Variants in SGCZ observed in about 807,000 individuals in gnomAD.
The protein encoded by SGCZ is zeta-sarcoglycan.
In SGCZ, 40 loss-of-function variants were observed where a neutral mutation model predicts 41.3. The ratio of observed to expected loss-of-function variants is 0.97; its 90% CI spans 0.75 to 1.26. SGCZ has a LOEUF of 1.26. SGCZ is among the 50% of genes most tolerant of loss of function. The pLI, the probability that SGCZ is intolerant of heterozygous loss-of-function variation, is 0.00. For missense variants in SGCZ, 552 were observed against 369.8 expected (o/e 1.49, Z -4.04); for synonymous variants, 206 against 137.5 (o/e 1.50, Z -3.49).
intron 1 of SGCZ, among the ~76,000 whole-genome samples, chr8:15,093,429 C>T (rs1431932468): frequency 6.6e-6 from 1 of 152,138 alleles, no homozygotes; most frequent in African/African-American, 2.4e-5. Context: ...CTTCAATATT[C>T]ATATTTTTGT....
intron 1 of SGCZ, among the ~76,000 whole-genome samples, chr8:14,949,797 G>A (rs548015355): frequency 2.6e-5 from 4 of 152,116 alleles, no homozygotes; most frequent in African/African-American, 9.6e-5. Context: ...ATAAAACCAA[G>A]GCAGATGAGA....
At position 15,203,657 on chromosome 8, in the gene SGCZ, A is replaced by G. The variant is rs986882980; in HGVS notation, c.39+33928T>C. Reference sequence around the variant, plus strand: ...TATTATAGCAAGTGATAAAAAATTGAGTGCAAATAGAAAGGAAAATAAATG... The same window carrying G: ...TATTATAGCAAGTGATAAAAAATTGGGTGCAAATAGAAAGGAAAATAAATG... On this transcript the variant is annotated intron_variant, in intron 1 of 7. Transcript: ENST00000382080. 5.3e-5 allele frequency among the ~76,000 whole-genome samples: 8 copies of G among 152,222 alleles called. No individual in the cohort carries two copies. The South Asian group carries it at 6.2e-4, about 12-fold the overall frequency.
intron 1 of SGCZ, among the ~76,000 whole-genome samples, chr8:14,908,993 A>G (rs970846876): frequency 6.6e-6 from 1 of 152,132 alleles, no homozygotes; most frequent in African/African-American, 2.4e-5. Context: ...TTCTCTCCTA[A>G]CACCTGGGAC....
chr8:14,289,041 T>C (rs758032867), intron 3 of SGCZ, among the ~76,000 whole-genome samples: 3 of 152,176 alleles, frequency 2.0e-5, no homozygotes, highest in Non-Finnish European at 4.4e-5. Flanking sequence ...ATATTGAACA[T>C]CTGTATGTAC....
chr8:14,164,640 C>T lies in SGCZ; in HGVS notation c.487G>A (p.Val163Met). 1 of 1,613,624 alleles carries T rather than the reference C, an allele frequency of 6.2e-7. No homozygotes were observed. ...TCATCTTCATCTGCAGAAAACAGCA[C>T]CCTGCCATCTTCACTGGCTCTCACT... ...FEVRASEDGR[V>M]LFSADEDEIT... Residue 163 changes from valine to methionine, a missense_variant, in exon 5 of 8, where the codon GTG becomes ATG. Physicochemically the swap from Val to Met is conservative, Grantham distance 21 (BLOSUM62 1). Transcript: ENST00000382080.
chr8:14,767,924 G>A (rs946873295), intron 1 of SGCZ, among the ~76,000 whole-genome samples: 4 of 152,248 alleles, frequency 2.6e-5, no homozygotes, highest in Middle Eastern at 3.4e-3. Context: ...GGGAATAAAT[G>A]AACAACAAAA....
At chr8:14,904,484 AC>A (rs1341840825) in intron 1 of SGCZ, among the ~76,000 whole-genome samples, 1 of 152,088 alleles carries the variant, frequency 6.6e-6, no homozygotes, top group African/African-American at 2.4e-5. Flanking sequence ...ACTAGAATAT[AC>A]GAACTTATTT....
chr8:14,999,531 T>C (rs1393213081), intron 1 of SGCZ, among the ~76,000 whole-genome samples: 1 of 152,100 alleles, frequency 6.6e-6, no homozygotes, highest in Non-Finnish European at 1.5e-5. Context: ...GATGCTGCAA[T>C]ACTTATTAGG....
chr8:14,792,363 A>G (rs1488946971), intron 1 of SGCZ, among the ~76,000 whole-genome samples: 5 of 152,092 alleles, frequency 3.3e-5, no homozygotes, highest in Non-Finnish European at 1.5e-5. Context: ...TTAACTCTTT[A>G]TCAAGTCCCC....
At chr8:14,718,877 T>TTA (rs372634291) in intron 1 of SGCZ, among the ~76,000 whole-genome samples, 1 of 146,886 alleles carries the variant, frequency 6.8e-6, no homozygotes, top group African/African-American at 2.5e-5. Flanking sequence ...TATTATACTT[T>TTA]GTTTTAGGGC....
chr8:15,058,538 G>A (rs1175703488), intron 1 of SGCZ, among the ~76,000 whole-genome samples: 1 of 152,132 alleles, frequency 6.6e-6, no homozygotes, highest in African/African-American at 2.4e-5. Flanking sequence ...ACCTTAAGCT[G>A]ATTTTACTAA....
At chr8:14,191,913 A>G (rs1205700798) in intron 4 of SGCZ, among the ~76,000 whole-genome samples, 4 of 150,864 alleles carry the variant, frequency 2.7e-5, no homozygotes, top group Admixed American at 1.3e-4. Context: ...AATTTTATCT[A>G]AAAAAAAAGT....
At chr8:14,678,718 A>T (rs143295704) in intron 1 of SGCZ, among the ~76,000 whole-genome samples, 1 of 152,346 alleles carries the variant, frequency 6.6e-6, no homozygotes, top group East Asian at 1.9e-4. Context: ...ACCTATGTTC[A>T]TAGAAAAACC....
chr8:14,100,832 A>G (rs1801997378), intron 7 of SGCZ, among the ~76,000 whole-genome samples: 1 of 151,906 alleles, frequency 6.6e-6, no homozygotes, highest in Non-Finnish European at 1.5e-5. Context: ...TCTGAAGAGG[A>G]CTGAAATACT....
rs372327268 is a variant in SGCZ at position 14,218,455 on chromosome 8, G to A, written c.424+19137C>T. 1.1e-4 allele frequency among the ~76,000 whole-genome samples: 17 copies of A among 152,296 alleles called. 1 individual carries two copies. In the East Asian group the frequency reaches 3.3e-3, roughly 29 times the overall value. On this transcript the variant is annotated intron_variant, in intron 4 of 7. Transcript: ENST00000382080. The stretch of plus-strand genomic sequence containing the variant: ...TAAACAATTAGGGGGGACATTATCT[G>A]TTCCCAGATTAGAAAACTCAATCTT...
chr8:15,235,401 G>C (rs1435081520), intron 1 of SGCZ, among the ~76,000 whole-genome samples: 3 of 152,150 alleles, frequency 2.0e-5, no homozygotes, highest in Non-Finnish European at 4.4e-5. Flanking sequence ...CTCAAAAGTA[G>C]CTTGTCCTTG....
chr8:15,190,979 T>A (rs143254818), intron 1 of SGCZ, among the ~76,000 whole-genome samples: 1 of 152,096 alleles, frequency 6.6e-6, no homozygotes, highest in Admixed American at 6.5e-5. Context: ...AGGTGTCCAA[T>A]GACCTAATGT....
At chr8:14,504,928 G>A (rs1802261232) in intron 2 of SGCZ, among the ~76,000 whole-genome samples, 2 of 152,104 alleles carry the variant, frequency 1.3e-5, no homozygotes, top group African/African-American at 2.4e-5. Context: ...CTTTACCAAT[G>A]AAAGAAAATG....
chr8:14,413,135 C>A (rs1203160583), intron 2 of SGCZ, among the ~76,000 whole-genome samples: 1 of 151,890 alleles, frequency 6.6e-6, no homozygotes, highest in Middle Eastern at 3.2e-3. Context: ...TTATCAATAT[C>A]TTTTCTGTAA....
Sources: allele counts gnomAD v4.1 joint callset (sites outside exome capture counted in the v4.1 genomes callset), GRCh38; gene constraint gnomAD v4.1.1; transcripts MANE v1.5; gene names NCBI Gene and HGNC (gene_info 2026-07-23, HGNC 2026-07-21).